Variants in IGFBP3 observed in about 807,000 individuals in gnomAD.
IGFBP3 encodes the protein insulin like growth factor binding protein 3.
In IGFBP3, 9 loss-of-function variants were observed where a neutral mutation model predicts 28.6. The observed-to-expected ratio is 0.31, with a 90% CI of 0.19 to 0.55. The LOEUF is 0.55. IGFBP3 is among the 20% of genes least tolerant of loss of function. IGFBP3 has a pLI of 0.93. For synonymous variants in IGFBP3, 185 were observed against 188.2 expected (o/e 0.98, Z 0.14); for missense variants, 382 against 428.9 (o/e 0.89, Z 0.97).
At chr7:45,917,073 AG>A in intron 2 of IGFBP3, 139 bp downstream of exon 2, 1 of 671,618 alleles carries the variant, frequency 1.5e-6, no homozygotes. Context: ...GGAGAGAGGT[AG>A]GGCACAGAGG....
In IGFBP3 at chr7:45,920,724, C is replaced by A. The variant is rs6950868; in HGVS notation, c.403+14G>T. ...CGGGTGCTGCACGCAGCGCACCTGG[C>A]GCGGGCGGCTCACCTGGAGCTGGCG... On this transcript the variant is annotated intron_variant, in intron 1 of 4. Transcript: ENST00000613132. 0.19 allele frequency: 266,181 copies of A among 1,388,224 alleles called. 27,328 individuals are homozygous for A. The highest frequency in any genetic ancestry group is 0.33 in the Middle Eastern group (1,275 of 3,832). 86.0% of individuals were successfully genotyped at this position (1,388,224 alleles called of 1,614,324 possible).
chr7:45,920,597 G>C, intron 1 of IGFBP3, 141 bp downstream of exon 1: 11 of 848,818 alleles, frequency 1.3e-5, no homozygotes, highest in East Asian at 3.4e-5. Context: ...CACCTTTCCC[G>C]GAGCGCCTTC....
Position 45,913,540 on chromosome 7 carries a change from G to A in IGFBP3, c.*310C>T, listed in dbSNP as rs1049321507. Reference sequence around the variant, plus strand: ...TGGTCGGCCGCTTCGACCAACATGTGGTGAGCATTCCACGGGCGCATGAAG... The same window carrying A: ...TGGTCGGCCGCTTCGACCAACATGTAGTGAGCATTCCACGGGCGCATGAAG... On this transcript the variant is annotated 3_prime_UTR_variant, in exon 5 of 5. Transcript: ENST00000613132. The A allele has an allele frequency of 2.0e-5, 3 of 152,210 alleles. No homozygotes were observed. The highest frequency in any genetic ancestry group is 7.2e-5 in the African/African-American group (3 of 41,446). The allele number at this position is 152,210 out of a possible 1,614,324, so 9.4% of individuals were successfully genotyped here. A position where few individuals can be genotyped will look rare whatever the true frequency, so the allele number is the denominator to read the frequency against.
chr7:45,920,682 C>T lies in IGFBP3; in HGVS notation c.403+56G>A, dbSNP rs550576555. ...AGCGGCACCCAGCAACCCCCAGGCC[C>T]TTCGGCGCCAGTGCGCCGGGTGCTG... On this transcript the variant is annotated intron_variant, in intron 1 of 4. Transcript: ENST00000613132. 2.1e-4 allele frequency: 279 copies of T among 1,318,454 alleles called. 1 individual carries two copies. The South Asian group carries it at 4.9e-3, about 23-fold the overall frequency. The allele number at this position is 1,318,454 out of a possible 1,614,324, so 81.7% of individuals were successfully genotyped here.
rs1784567609 is a variant in IGFBP3, at chr7:45,913,270, T to C, written c.*580A>G. ...TAGGACTCCACCTTATTTTCTCCAA[T>C]AGTCCCCAAGCAGTACAGGTCACTT... On this transcript the variant is annotated 3_prime_UTR_variant, in exon 5 of 5. Coordinates refer to ENST00000613132, the MANE Select transcript of IGFBP3 (RefSeq NM_000598.5). 1 of 152,142 alleles carries C rather than the reference T, an allele frequency of 6.6e-6. No individual in the cohort carries two copies. Among genetic ancestry groups the C allele is most frequent in the Non-Finnish European group, 1.5e-5 (1 of 68,032 alleles). The allele number at this position is 152,142 out of a possible 1,614,324, so 9.4% of individuals were successfully genotyped here. A position where few individuals can be genotyped will look rare whatever the true frequency, so the allele number is the denominator to read the frequency against.
In IGFBP3 at chr7:45,913,402, C is replaced by G. The variant is rs1784568932; in HGVS notation, c.*448G>C. On this transcript the variant is annotated 3_prime_UTR_variant, in exon 5 of 5. Transcript: ENST00000613132. Reference sequence around the variant, plus strand: ...AGCATGCGTTGGGATGTCCGGATGACCGGGGTTTAAAGGTTTTCCTATTCT... The same window carrying G: ...AGCATGCGTTGGGATGTCCGGATGAGCGGGGTTTAAAGGTTTTCCTATTCT... The G allele has an allele frequency of 6.6e-6, 1 of 152,184 alleles. No homozygotes were observed. The highest frequency in any genetic ancestry group is 6.5e-5 in the Admixed American group (1 of 15,272). The allele number at this position is 152,184 out of a possible 1,614,324, so 9.4% of individuals were successfully genotyped here.
chr7:45,916,740 G>C, intron 2 of IGFBP3, 73 bp from the exon 3 acceptor site: 1 of 1,520,052 alleles, frequency 6.6e-7, no homozygotes, highest in Non-Finnish European at 9.1e-7. Context: ...AAAATCTTAC[G>C]ATGCTGCACA....
chr7:45,919,771 AC>A (rs1292619429), intron 1 of IGFBP3, among the ~76,000 whole-genome samples: 5 of 151,832 alleles, frequency 3.3e-5, no homozygotes, highest in African/African-American at 1.2e-4. Context: ...CATTTAAACA[AC>A]CCCCGCTCCT....
intron 4 of IGFBP3, chr7:45,914,463 G>A (rs1784582285): frequency 6.1e-6 from 1 of 165,090 alleles, no homozygotes; most frequent in African/African-American, 2.4e-5. Flanking sequence ...AAGATAAATG[G>A]ACCTCCAGAC....
chr7:45,920,616 C>T (rs1784671644), intron 1 of IGFBP3, 122 bp downstream of exon 1: 1 of 1,016,546 alleles, frequency 9.8e-7, no homozygotes, highest in Non-Finnish European at 1.3e-6. Flanking sequence ...TCAGTTTCCC[C>T]ACATATTATC....
intron 1 of IGFBP3, among the ~76,000 whole-genome samples, chr7:45,918,658 GC>G (rs1462591542): frequency 1.3e-5 from 2 of 152,324 alleles, no homozygotes; most frequent in Admixed American, 6.5e-5. Context: ...AGCTCAGGTG[GC>G]CCATCTGGTC....
In IGFBP3 at chr7:45,917,234, C is replaced by T. The variant is rs1784620004; in HGVS notation, c.609G>A (p.Glu203=). ...TCACATATTCTGTCTCCCGCTTGGACTCGGAGGAGAAGTTCTGGGTATCTG... is the reference window on the plus strand; with the variant it reads ...TCACATATTCTGTCTCCCGCTTGGATTCGGAGGAGAAGTTCTGGGTATCTG... ...QSTDTQNFSS[E]SKRETEYGPC... Residue 203 remains glutamate, a synonymous_variant, in exon 2 of 5, where the codon GAG becomes GAA. Coordinates refer to ENST00000613132, the MANE Select transcript of IGFBP3 (RefSeq NM_000598.5). The T allele has an allele frequency of 6.2e-7, 1 of 1,613,678 alleles. No individual in the cohort carries two copies. Among genetic ancestry groups the T allele is most frequent in the African/African-American group, 1.3e-5 (1 of 74,900 alleles).
Position 45,921,216 on chromosome 7 carries a change from G to C in IGFBP3, c.-76C>G. Reference sequence around the variant, plus strand: ...GGGCGACAGTACACGGCGCGAAGCTGTGGAATCCAGGCAGGAAGCGGCTGA... The same window carrying C: ...GGGCGACAGTACACGGCGCGAAGCTCTGGAATCCAGGCAGGAAGCGGCTGA... On this transcript the variant is annotated 5_prime_UTR_variant, in exon 1 of 5. Transcript: ENST00000613132. The C allele has an allele frequency of 6.9e-7, 1 of 1,457,078 alleles. No homozygotes were observed. The highest frequency in any genetic ancestry group is 9.2e-7 in the Non-Finnish European group (1 of 1,085,642). 90.3% of individuals were successfully genotyped at this position (1,457,078 alleles called of 1,614,324 possible). A position where few individuals can be genotyped will look rare whatever the true frequency, so the allele number is the denominator to read the frequency against.
chr7:45,919,656 A>G (rs1263434328), intron 1 of IGFBP3, among the ~76,000 whole-genome samples: 2 of 152,232 alleles, frequency 1.3e-5, no homozygotes, highest in Non-Finnish European at 2.9e-5. Flanking sequence ...GGGAATTAGG[A>G]TGGGGAGAAT....
intron 4 of IGFBP3, chr7:45,914,586 G>A (rs997786915): frequency 4.5e-6 from 2 of 449,050 alleles, no homozygotes; most frequent in South Asian, 2.8e-5. Flanking sequence ...TGCACTGGCC[G>A]GCCTCCTTCC....
rs1038332313 is a variant in IGFBP3, at chr7:45,916,906, C to T, written c.631-239G>A. The T allele has an allele frequency of 1.0e-4, 57 of 559,974 alleles. 1 individual carries two copies. The African/African-American group carries it at 1.1e-3, about 10-fold the overall frequency. 34.7% of individuals were successfully genotyped at this position (559,974 alleles called of 1,614,324 possible). ...TGGTATGGAACCAATAGCAGGTCAA[C>T]AAGCATAGAGGATGAAGTAAATAAA... On this transcript the variant is annotated intron_variant, in intron 2 of 4. Coordinates refer to ENST00000613132, the MANE Select transcript of IGFBP3 (RefSeq NM_000598.5).
In IGFBP3 at chr7:45,913,087, G is replaced by C. The variant is rs1018850778; in HGVS notation, c.*763C>G. ...GGAGGCTGACTCTCCCTGTCTCTCT[G>C]TCCCTCCTACCCCACGGGGCCGCAG... On this transcript the variant is annotated 3_prime_UTR_variant, in exon 5 of 5. Transcript: ENST00000613132. The C allele has an allele frequency of 3.9e-5, 6 of 152,100 alleles. No homozygotes were observed. Among genetic ancestry groups the C allele is most frequent in the Non-Finnish European group, 8.8e-5 (6 of 68,046 alleles). The allele number at this position is 152,100 out of a possible 1,614,324, so 9.4% of individuals were successfully genotyped here. A position where few individuals can be genotyped will look rare whatever the true frequency, so the allele number is the denominator to read the frequency against.
chr7:45,914,578 C>T (rs368047580), intron 4 of IGFBP3: 2 of 430,498 alleles, frequency 4.6e-6, no homozygotes, highest in East Asian at 4.4e-5. Context: ...CCCTGAGGTG[C>T]ACTGGCCGGC....
intron 1 of IGFBP3, 165 bp downstream of exon 1, chr7:45,920,573 C>T: frequency 1.6e-6 from 1 of 621,120 alleles, no homozygotes; most frequent in Non-Finnish European, 2.4e-6. Context: ...GAGGGTCCCT[C>T]CGGCGACCGC....
Sources: allele counts gnomAD v4.1 joint callset (sites outside exome capture counted in the v4.1 genomes callset), GRCh38; gene constraint gnomAD v4.1.1; transcripts MANE v1.5; gene names NCBI Gene and HGNC (gene_info 2026-07-23, HGNC 2026-07-21).